The following PPEF2 variants were observed in gnomAD, a reference collection of about 807,000 sequenced individuals.
The protein encoded by PPEF2 is serine/threonine-protein phosphatase with EF-hands 2.
A neutral mutation model predicts 84.7 loss-of-function variants in PPEF2; 84 were observed. That is an observed-to-expected ratio of 0.99 (90% CI 0.83 to 1.19). The LOEUF is 1.19. Ranked by LOEUF, PPEF2 falls within the 50% of genes most tolerant of loss-of-function variation. PPEF2 has a pLI of 0.00. For synonymous variants in PPEF2, 346 were observed against 345.2 expected (o/e 1.00, Z -0.03); for missense variants, 924 against 937.5 (o/e 0.99, Z 0.19).
rs143060214 is a variant in PPEF2, at chr4:75,875,697, C to A, written c.1320+590G>T. On this transcript the variant is annotated intron_variant, in intron 11 of 16. Transcript: ENST00000286719. ...ACAGCCTTTTCAGGGCTCTCTCTGC[C>A]ATAGTCATCATCGGTGAAGTCGGCT... 6.6e-4 allele frequency among the ~76,000 whole-genome samples: 100 copies of A among 152,340 alleles called. No homozygotes were observed. In the East Asian group the frequency reaches 0.013, roughly 19 times the overall value.
At chr4:75,876,249 C>T (rs1416354973) in intron 11 of PPEF2, 38 bp downstream of exon 11, 12 of 1,544,458 alleles carry the variant, frequency 7.8e-6, no homozygotes, top group South Asian at 1.3e-5. Context: ...GACCTGTTGG[C>T]AGCCACATGC....
chr4:75,880,880 GTCTCTGTCT>G (rs1724553267), intron 10 of PPEF2, among the ~76,000 whole-genome samples: 7 of 148,424 alleles, frequency 4.7e-5, no homozygotes, highest in African/African-American at 1.7e-4. Context: ...GCTCACTGCA[GTCTCTGTCT>G]CCTGGGTTCA....
At chr4:75,869,613 A>G (rs1387062007) in intron 13 of PPEF2, among the ~76,000 whole-genome samples, 1 of 152,208 alleles carries the variant, frequency 6.6e-6, no homozygotes, top group Non-Finnish European at 1.5e-5. Flanking sequence ...TTGGGAGGCC[A>G]AGGCAGGAGG....
rs555752970 is a variant in PPEF2 at position 75,874,266 on chromosome 4, T to C, written c.1321-954A>G. ...TACTCAGATGAAATAACTGAATAATTTTGGTTATTGTCATTTAATACTTTC... is the reference window on the plus strand; with the variant it reads ...TACTCAGATGAAATAACTGAATAATCTTGGTTATTGTCATTTAATACTTTC... On this transcript the variant is annotated intron_variant, in intron 11 of 16. Transcript: ENST00000286719. Among the ~76,000 whole-genome samples, 4 of 152,138 alleles carry C rather than the reference T, an allele frequency of 2.6e-5. No individual in the cohort carries two copies. In the South Asian group the frequency reaches 8.3e-4, roughly 32 times the overall value.
chr4:75,886,265 A>G (rs115592415), intron 7 of PPEF2, among the ~76,000 whole-genome samples: 4,576 of 152,170 alleles, frequency 0.03, 262 homozygotes, highest in African/African-American at 0.1. Context: ...CAGTCTCCCA[A>G]TGGCCTGGGA....
At chr4:75,880,107 C>A (rs548922329) in intron 10 of PPEF2, among the ~76,000 whole-genome samples, 3 of 152,124 alleles carry the variant, frequency 2.0e-5, no homozygotes, top group East Asian at 1.9e-4. Context: ...GGATTACAGG[C>A]GTGAGCCACT....
chr4:75,872,677 CT>C (rs1398457190), intron 12 of PPEF2, among the ~76,000 whole-genome samples: 1 of 152,164 alleles, frequency 6.6e-6, no homozygotes, highest in Non-Finnish European at 1.5e-5. Flanking sequence ...ACTAAAGGTA[CT>C]CAGAAGTCCT....
At chr4:75,868,841 C>CA (rs1013800039) in intron 13 of PPEF2, among the ~76,000 whole-genome samples, 29 of 151,424 alleles carry the variant, frequency 1.9e-4, no homozygotes, top group African/African-American at 3.9e-4. Flanking sequence ...GGTTTCTTTA[C>CA]AAAAAAAACT....
At chr4:75,876,203 A>G in intron 11 of PPEF2, 84 bp downstream of exon 11, 1 of 1,492,258 alleles carries the variant, frequency 6.7e-7, no homozygotes, top group South Asian at 1.4e-5. Context: ...AGGGGCCTCA[A>G]AACATATCCT....
rs565804229 is a variant in PPEF2 at position 75,896,330 on chromosome 4, T to C, written c.-5A>G. On this transcript the variant is annotated 5_prime_UTR_variant, in exon 2 of 17. Coordinates refer to ENST00000286719, the MANE Select transcript of PPEF2 (RefSeq NM_006239.3). ...GGTGGAGGTGCCGCTTCCCATAGTT[T>C]AAGCGCAATGCTCCTGCAGGACGCA... is the stretch of plus-strand genomic sequence containing the variant. 1.2e-6 allele frequency: 2 copies of C among 1,614,158 alleles called. No homozygotes were observed. The highest frequency in any genetic ancestry group is 1.7e-5 in the Admixed American group (1 of 60,016).
Position 75,888,338 on chromosome 4 carries a change from GGAAGAGGAGGGAAGGAAGAAAACAACACT to G in PPEF2, c.418-39_418-11del, listed in dbSNP as rs1236155981. On this transcript the variant is annotated splice_polypyrimidine_tract_variant and intron_variant, in intron 5 of 16. Coordinates refer to ENST00000286719, the MANE Select transcript of PPEF2 (RefSeq NM_006239.3). ...AGCGAGCATGGAGCTGCTACTGGGA[GGAAGAGGAGGGAAGGAAGAAAACAACACT>G]GATATTCGTGAGGGAAAATGGTCCT... 5.7e-6 allele frequency: 9 copies of G among 1,577,880 alleles called. No individual in the cohort carries two copies. Among genetic ancestry groups the G allele is most frequent in the Non-Finnish European group, 7.0e-6 (8 of 1,147,148 alleles).
intron 14 of PPEF2, among the ~76,000 whole-genome samples, chr4:75,867,101 A>T (rs2149214765): frequency 6.6e-6 from 1 of 152,116 alleles, no homozygotes; most frequent in Admixed American, 6.6e-5. Context: ...CACCCTCTCT[A>T]TTTGGCTAAG....
chr4:75,885,013 A>G (rs1724686967), intron 7 of PPEF2, among the ~76,000 whole-genome samples: 1 of 152,188 alleles, frequency 6.6e-6, no homozygotes, highest in South Asian at 2.1e-4. Context: ...GTGTGGAGCA[A>G]AGGGCACCAA....
At chr4:75,900,827 C>A (rs1323246273) in intron 1 of PPEF2, among the ~76,000 whole-genome samples, 1 of 152,108 alleles carries the variant, frequency 6.6e-6, no homozygotes, top group Non-Finnish European at 1.5e-5. Context: ...ATGTATTCCA[C>A]CATGACAAAG....
At chr4:75,891,180 C>CAA (rs35660911) in intron 4 of PPEF2, among the ~76,000 whole-genome samples, 75 of 136,154 alleles carry the variant, frequency 5.5e-4, no homozygotes, top group Middle Eastern at 3.8e-3. Context: ...GACTCTGTCT[C>CAA]AAAAAAAAAA....
intron 8 of PPEF2, chr4:75,883,415 G>A (rs1251894673): frequency 3.5e-6 from 2 of 570,606 alleles, no homozygotes; most frequent in Non-Finnish European, 6.2e-6. Context: ...TTACTTATCT[G>A]TATTTCCTGC....
At position 75,876,478 on chromosome 4, in the gene PPEF2, A is replaced by C. The variant is rs1560482581; in HGVS notation, c.1129T>G (p.Cys377Gly). 1.9e-6 allele frequency: 3 copies of C among 1,613,968 alleles called. No homozygotes were observed. The highest frequency in any genetic ancestry group is 2.5e-6 in the Non-Finnish European group (3 of 1,179,904). Residue 377 changes from cysteine to glycine, a missense_variant, in exon 11 of 17, where the codon TGC (cysteine) becomes GGC (glycine). By Grantham distance (159) the Cys-to-Gly change is radical (BLOSUM62 -3). Transcript: ENST00000286719. ...QKTSRSSSIP[C>G]SGSLDGRELS... ...TCCCGCCCGTCCAGGGAACCGCTGC[A>C]GGGGATGCTGGAGGACCTGCTGGTT...
intron 2 of PPEF2, 98 bp from the exon 3 acceptor site, chr4:75,892,076 A>G (rs1335296521): frequency 6.8e-7 from 1 of 1,467,296 alleles, no homozygotes; most frequent in Non-Finnish European, 9.3e-7. Flanking sequence ...CTCCCACTGT[A>G]TATGTGAGGA....
chr4:75,888,236 G>C lies in PPEF2; in HGVS notation c.510C>G (p.Tyr170Ter). 1 of 1,612,954 alleles carries C rather than the reference G, an allele frequency of 6.2e-7. No individual in the cohort carries two copies. Among genetic ancestry groups the C allele is most frequent in the Non-Finnish European group, 8.5e-7 (1 of 1,178,974 alleles). The change falls in exon 6 of 17, where the codon TAC (tyrosine) becomes TAG (stop). Residue 170 changes from tyrosine to a stop codon, truncating the protein, a stop_gained. Coordinates refer to ENST00000286719, the MANE Select transcript of PPEF2 (RefSeq NM_006239.3). LOFTEE classifies it high-confidence loss of function. ...TACCACACACTGTGATCTCCTCACT[G>C]TAACAGGTTGAGACCCGGTTGATGT... ...LPNINRVSTC[Y>*]SEEITVCGDL...
Sources: gnomAD v4.1 joint callset for allele counts (sites outside exome capture counted in the v4.1 genomes callset) on GRCh38, gnomAD v4.1.1 for gene constraint, MANE v1.5 for transcripts, NCBI Gene and HGNC (gene_info 2026-07-23, HGNC 2026-07-21) for gene names.